The following AKAP12 variants were observed in gnomAD, a reference collection of about 807,000 sequenced individuals.
The protein encoded by AKAP12 is A-kinase anchor protein 12.
In AKAP12, 32 loss-of-function variants were observed where a neutral mutation model predicts 79.9. The observed-to-expected ratio is 0.40, with a 90% CI of 0.30 to 0.54. The LOEUF is 0.54. AKAP12 is among the 20% of genes least tolerant of loss of function. The pLI, the probability that AKAP12 is intolerant of heterozygous loss-of-function variation, is 0.48. For missense variants in AKAP12, 2,074 were observed against 2,177.0 expected, an observed-to-expected ratio of 0.95 and a Z score of 0.94; for synonymous variants, 808 against 857.0, an observed-to-expected ratio of 0.94 and a Z score of 1.00.
intron 2 of AKAP12, among the ~76,000 whole-genome samples, chr6:151,296,648 A>G (rs971238826): frequency 1.3e-5 from 2 of 152,156 alleles, no homozygotes; most frequent in Admixed American, 1.3e-4. Context: ...GTGGTGGCAC[A>G]TGCCTGTAAT....
chr6:151,293,272 G>A (rs1776656966), intron 2 of AKAP12, among the ~76,000 whole-genome samples: 2 of 152,214 alleles, frequency 1.3e-5, no homozygotes, highest in African/African-American at 2.4e-5. Context: ...TAGGAATTGA[G>A]TGAGAACTGA....
intron 3 of AKAP12, among the ~76,000 whole-genome samples, chr6:151,320,523 C>T (rs1041287134): frequency 3.3e-5 from 5 of 152,130 alleles, no homozygotes; most frequent in African/African-American, 1.2e-4. Flanking sequence ...GCCCCTAATC[C>T]CTGTCCATTC....
chr6:151,247,730 A>G (rs532256065), intron 2 of AKAP12, among the ~76,000 whole-genome samples: 2 of 152,318 alleles, frequency 1.3e-5, no homozygotes, highest in South Asian at 4.1e-4. Flanking sequence ...TGGGAAAACA[A>G]TAGAGTGAAG....
chr6:151,333,279 T>C lies in AKAP12; in HGVS notation c.320-15432T>C, dbSNP rs557559636. 5.3e-5 allele frequency among the ~76,000 whole-genome samples: 8 copies of C among 152,210 alleles called. No homozygotes were observed. In the East Asian group the frequency reaches 1.2e-3, roughly 22 times the overall value. On this transcript the variant is annotated intron_variant, in intron 3 of 4. Transcript: ENST00000402676. ...CTCCATTATTTTTAGAGGCCTCTTA[T>C]CAATCACTCCCTTCACTCCCAGCAG...
In AKAP12 at chr6:151,240,826, C is replaced by A. The variant is rs1262664816; in HGVS notation, c.162+102C>A. The stretch of plus-strand genomic sequence containing the variant: ...GATTTCCGCCGAGAGAACTTCCCAG[C>A]CCATCCAGCCGCATCTGCAAACTCA... On this transcript the variant is annotated intron_variant, in intron 2 of 4. Transcript: ENST00000402676. The A allele has an allele frequency of 5.1e-6, 5 of 975,820 alleles. No homozygotes were observed. In the East Asian group the frequency reaches 1.1e-4, roughly 22 times the overall value. The allele number at this position is 975,820 out of a possible 1,614,324, so 60.4% of individuals were successfully genotyped here.
rs547593676 is a variant in AKAP12, at chr6:151,312,225, C to T, written c.319+6322C>T. Among the ~76,000 whole-genome samples the T allele has an allele frequency of 3.3e-5, 5 of 152,278 alleles. No homozygotes were observed. The East Asian group carries it at 9.6e-4, about 29-fold the overall frequency. ...GTGACTTACAACGGTAATCCCAGCA[C>T]TTTGGGAGGCCGAGGAGGGCGGATC... On this transcript the variant is annotated intron_variant, in intron 3 of 4. Coordinates refer to ENST00000402676, the MANE Select transcript of AKAP12 (RefSeq NM_005100.4).
chr6:151,324,280 C>G, intron 3 of AKAP12: 1 of 985,398 alleles, frequency 1.0e-6, no homozygotes, highest in Non-Finnish European at 1.2e-6. Context: ...CCCGCCAGGC[C>G]GGGTATTTGC....
Position 151,311,381 on chromosome 6 carries a change from G to A in AKAP12, c.319+5478G>A, listed in dbSNP as rs115230512. ...CTGACCTTGGCATTTGCCACTCTGG[G>A]GCTAGCTGCTTTAAAACTGTCAGCC... is the stretch of plus-strand genomic sequence containing the variant. On this transcript the variant is annotated intron_variant, in intron 3 of 4. Coordinates refer to ENST00000402676, the MANE Select transcript of AKAP12 (RefSeq NM_005100.4). 2.2e-3 allele frequency among the ~76,000 whole-genome samples: 338 copies of A among 152,304 alleles called. 2 individuals are homozygous for A. The highest frequency in any genetic ancestry group is 7.7e-3 in the African/African-American group (318 of 41,562).
At chr6:151,287,064 C>T (rs9371208) in intron 2 of AKAP12, among the ~76,000 whole-genome samples, 12,305 of 151,422 alleles carry the variant, frequency 0.081, 696 homozygotes, top group East Asian at 0.3. Context: ...CTCAGCCTCC[C>T]GAGAAGCTGG....
chr6:151,346,857 G>A (rs1039130276), intron 3 of AKAP12, among the ~76,000 whole-genome samples: 1 of 152,120 alleles, frequency 6.6e-6, no homozygotes, highest in African/African-American at 2.4e-5. Flanking sequence ...TGACTTTGAG[G>A]ATCAAAGTGG....
intron 2 of AKAP12, among the ~76,000 whole-genome samples, chr6:151,263,799 G>C (rs765757577): frequency 4.6e-5 from 7 of 151,774 alleles, no homozygotes; most frequent in African/African-American, 7.3e-5. Flanking sequence ...GGCTAGTCTC[G>C]AACTCCTGAC....
At chr6:151,244,384 C>A (rs932958188) in intron 2 of AKAP12, among the ~76,000 whole-genome samples, 1 of 152,054 alleles carries the variant, frequency 6.6e-6, no homozygotes, top group East Asian at 1.9e-4. Flanking sequence ...ATTAGCCAGG[C>A]GTGGTGGCGG....
intron 2 of AKAP12, among the ~76,000 whole-genome samples, chr6:151,255,805 A>G (rs771552886): frequency 1.3e-5 from 2 of 152,190 alleles, no homozygotes; most frequent in Non-Finnish European, 2.9e-5. Context: ...AAAATTATTT[A>G]AAGAGCAAAA....
Position 151,349,719 on chromosome 6 carries a change from C to T in AKAP12, c.1328C>T (p.Pro443Leu). The T allele has an allele frequency of 6.2e-7, 1 of 1,613,936 alleles. No individual in the cohort carries two copies. Among genetic ancestry groups the T allele is most frequent in the Non-Finnish European group, 8.5e-7 (1 of 1,180,038 alleles). The change falls in exon 4 of 5, where the codon CCA (proline) becomes CTA (leucine). Residue 443 changes from proline to leucine, a missense_variant. This residue lies in a region of AKAP12 where 1,428 missense variants were observed against 1,451.0 expected (regional missense o/e 0.98). Transcript: ENST00000402676. ...GTGGAAGAAACAGCAGGGTCTGTGC[C>T]AGCTGAAGAATTGGTTGAAATGGAT... Reference protein sequence around the residue: ...TEVEETAGSVPAEELVEMDAE... With the variant: ...TEVEETAGSVLAEELVEMDAE...
rs918593356 is a variant in AKAP12, at chr6:151,350,386, G to C, written c.1995G>C (p.Lys665Asn). The C allele has an allele frequency of 6.2e-7, 1 of 1,613,774 alleles. No homozygotes were observed. The highest frequency in any genetic ancestry group is 1.3e-5 in the African/African-American group (1 of 74,844). Residue 665 changes from lysine to asparagine, a missense_variant, in exon 4 of 5, where the codon AAG becomes AAC. This residue lies in a region of AKAP12 where 1,428 missense variants were observed against 1,451.0 expected (regional missense o/e 0.98). Coordinates refer to ENST00000402676, the MANE Select transcript of AKAP12 (RefSeq NM_005100.4). The surrounding 1 kb of genome is among the most constrained non-coding windows in gnomAD (Gnocchi z 4.8). ...EEMKGSVEEPKPEEPKRKVDT... is the reference protein window; with the variant it reads ...EEMKGSVEEPNPEEPKRKVDT... ...TGAAAGGGAGCGTGGAAGAGCCAAA[G>C]CCGGAAGAACCAAAGCGCAAGGTGG...
At chr6:151,347,669 A>C (rs1460190272) in intron 3 of AKAP12, among the ~76,000 whole-genome samples, 1 of 152,238 alleles carries the variant, frequency 6.6e-6, no homozygotes, top group Non-Finnish European at 1.5e-5. Context: ...AAGATTTGCA[A>C]ATCTCTGTAA....
intron 2 of AKAP12, among the ~76,000 whole-genome samples, 191 bp downstream of exon 2, chr6:151,240,915 C>T (rs1309203854): frequency 3.9e-5 from 6 of 152,204 alleles, no homozygotes; most frequent in Non-Finnish European, 8.8e-5. Flanking sequence ...GCCAGAGCAG[C>T]GGCGAGCGCG....
At chr6:151,287,600 C>T (rs1383242897) in intron 2 of AKAP12, among the ~76,000 whole-genome samples, 1 of 152,166 alleles carries the variant, frequency 6.6e-6, no homozygotes, top group African/African-American at 2.4e-5. Flanking sequence ...ATGAGGAATG[C>T]TTTTACACCG....
chr6:151,333,693 C>T (rs1487786530), intron 3 of AKAP12, among the ~76,000 whole-genome samples: 1 of 149,558 alleles, frequency 6.7e-6, no homozygotes, highest in South Asian at 2.1e-4. Context: ...CAGTCGAGAT[C>T]GCACCACTGC....
Sources: allele counts gnomAD v4.1 joint callset (sites outside exome capture counted in the v4.1 genomes callset), GRCh38; gene constraint gnomAD v4.1.1; regional missense constraint gnomAD v4.1.1; non-coding constraint Gnocchi (gnomAD v3.1); transcripts MANE v1.5; gene names NCBI Gene and HGNC (gene_info 2026-07-23, HGNC 2026-07-21).